Variants in KIFC3 observed in about 807,000 individuals in gnomAD.
The protein encoded by KIFC3 is kinesin family member C3, also known as kinesin-like protein KIFC3.
Under a neutral mutation model 101.8 loss-of-function variants are expected in KIFC3, and 60 were observed. That is an observed-to-expected ratio of 0.59 (90% CI 0.48 to 0.73). The LOEUF is 0.73. KIFC3 is among the 30% of genes least tolerant of loss of function. KIFC3 has a pLI of 0.00. For missense variants in KIFC3, 966 were observed against 1,137.1 expected (o/e 0.85, Z 2.16); for synonymous variants, 476 against 482.7 (o/e 0.99, Z 0.18).
chr16:57,760,278 G>A lies in KIFC3; in HGVS notation c.2367+4C>T, dbSNP rs527789009. 2.3e-5 allele frequency: 37 copies of A among 1,610,208 alleles called. No individual in the cohort carries two copies. The highest frequency in any genetic ancestry group is 3.3e-5 in the Admixed American group (2 of 59,884). On this transcript the variant is annotated splice_donor_region_variant and intron_variant, in intron 17 of 19. Coordinates refer to ENST00000445690, the MANE Select transcript of KIFC3 (RefSeq NM_001130100.2). ...CTGAGCCAGGCCTGTGACAGTCCCC[G>A]TACCTCTAGATGCTCCTGGCTTGAC...
intron 1 of KIFC3, among the ~76,000 whole-genome samples, chr16:57,823,010 G>A (rs1339240121): frequency 1.3e-5 from 2 of 152,156 alleles, no homozygotes; most frequent in African/African-American, 2.4e-5. Context: ...GCATTCTAAC[G>A]TTAACTTGAA....
chr16:57,822,454 C>A (rs1555630049), intron 1 of KIFC3, among the ~76,000 whole-genome samples: 2 of 152,202 alleles, frequency 1.3e-5, no homozygotes, highest in Admixed American at 1.3e-4. Context: ...GTAATCCTAA[C>A]ACTTTGGGAG....
intron 3 of KIFC3, among the ~76,000 whole-genome samples, chr16:57,780,820 G>A (rs768110415): frequency 3.4e-4 from 51 of 151,448 alleles, no homozygotes; most frequent in Non-Finnish European, 4.7e-4. Context: ...ACTTACAGGT[G>A]TGCACCACCA....
At chr16:57,812,827 C>A (rs1222940307) in intron 1 of KIFC3, among the ~76,000 whole-genome samples, 1 of 152,204 alleles carries the variant, frequency 6.6e-6, no homozygotes, top group South Asian at 2.1e-4. Context: ...ACCTGCTGCC[C>A]CTGAGGGGCT....
upstream of KIFC3, chr16:57,803,184 C>A (rs2149244692): frequency 1.3e-6 from 1 of 750,750 alleles, no homozygotes; most frequent in Non-Finnish European, 2.3e-6. Context: ...TAAAACACAC[C>A]AATGGTGCAG....
chr16:57,799,859 T>C (rs1420068408), intron 1 of KIFC3, among the ~76,000 whole-genome samples: 1 of 152,152 alleles, frequency 6.6e-6, no homozygotes, highest in African/African-American at 2.4e-5. Context: ...CAGTGCATCA[T>C]GCCAAAGAGA....
intron 12 of KIFC3, among the ~76,000 whole-genome samples, chr16:57,762,792 C>A (rs1385897273): frequency 6.6e-6 from 1 of 152,164 alleles, no homozygotes; most frequent in Non-Finnish European, 1.5e-5. Context: ...GGGAGCCTGG[C>A]CCTCACCCCT....
intron 1 of KIFC3, chr16:57,816,992 A>C (rs1598200490): frequency 3.1e-6 from 1 of 324,856 alleles, no homozygotes; most frequent in East Asian, 8.5e-5. Flanking sequence ...CTTTTTCTGA[A>C]TTATCACATG....
At chr16:57,802,585 CCGCACTCACG>C (rs1361509636), upstream of KIFC3, 4 of 1,000,198 alleles carry the variant, frequency 4.0e-6, no homozygotes, top group Admixed American at 1.8e-4. This position sits in a 1 kb window ranked among gnomAD's most constrained non-coding sequence, Gnocchi z 5.0. Context: ...CGGCGCGCGC[CCGCACTCACG>C]CGCACTGGCG....
Position 57,765,623 on chromosome 16 carries a change from C to A in KIFC3, c.1348G>T (p.Ala450Ser), listed in dbSNP as rs2050400567. The change falls in exon 11 of 20, where the codon GCT becomes TCT. Residue 450 changes from alanine (A) to serine (S), a missense_variant. Ala to Ser is a moderately conservative substitution (Grantham distance 99). Coordinates refer to ENST00000445690, the MANE Select transcript of KIFC3 (RefSeq NM_001130100.2). Reference protein sequence around the residue: ...VRLKGNIRVIARVRPVTKEDG... With the variant: ...VRLKGNIRVISRVRPVTKEDG... ...TCTTTGGTGACTGGCCGGACACGAG[C>A]AATCACTCGGATGTTCCCTGGATTG... 1 of 1,611,094 alleles carries A rather than the reference C, an allele frequency of 6.2e-7. No individual in the cohort carries two copies. The highest frequency in any genetic ancestry group is 2.2e-5 in the East Asian group (1 of 44,872).
intron 3 of KIFC3, among the ~76,000 whole-genome samples, chr16:57,792,540 A>T (rs2149175575): frequency 6.6e-6 from 1 of 152,330 alleles, no homozygotes; most frequent in Non-Finnish European, 1.5e-5. Flanking sequence ...AACAATACAG[A>T]GGATCTGTTA....
chr16:57,762,376 T>A (rs1468184966), intron 12 of KIFC3, 106 bp from the exon 13 acceptor site: 1 of 1,250,494 alleles, frequency 8.0e-7, no homozygotes, highest in African/African-American at 1.5e-5. Flanking sequence ...GCAAGCCTCC[T>A]TGCCCAAAGC....
chr16:57,795,883 T>G (rs1289438977), intron 2 of KIFC3, among the ~76,000 whole-genome samples: 1 of 36,134 alleles, frequency 2.8e-5, no homozygotes, highest in Non-Finnish European at 8.1e-5. Flanking sequence ...TGGGCTTTTT[T>G]GTTTTTTTTT....
intron 3 of KIFC3, chr16:57,774,796 G>A (rs938548454): frequency 1.8e-5 from 19 of 1,072,788 alleles, no homozygotes; most frequent in Admixed American, 3.8e-5. Context: ...CAAAGTGCTG[G>A]GATTACCGTT....
At chr16:57,792,637 GT>G (rs2149176214) in intron 3 of KIFC3, among the ~76,000 whole-genome samples, 1 of 152,252 alleles carries the variant, frequency 6.6e-6, no homozygotes, top group East Asian at 1.9e-4. Context: ...GCTCACATCT[GT>G]AATCCCAGCA....
chr16:57,817,550 A>G (rs2055256199), intron 1 of KIFC3, among the ~76,000 whole-genome samples: 1 of 151,972 alleles, frequency 6.6e-6, no homozygotes, highest in Non-Finnish European at 1.5e-5. Flanking sequence ...ACCTCGGCTT[A>G]TGGGCATGTC....
chr16:57,775,989 C>A, intron 3 of KIFC3: 1 of 985,488 alleles, frequency 1.0e-6, no homozygotes, highest in South Asian at 4.7e-5. Flanking sequence ...CTTGACACCA[C>A]CTGCATTTAC....
At chr16:57,775,067 G>A in intron 3 of KIFC3, 2 of 1,509,628 alleles carry the variant, frequency 1.3e-6, no homozygotes, top group Non-Finnish European at 8.8e-7. Flanking sequence ...GGGGGTGGGA[G>A]GCGGGATACC....
At chr16:57,843,140 T>A (rs931767999) in intron 1 of KIFC3, among the ~76,000 whole-genome samples, 15 of 152,050 alleles carry the variant, frequency 9.9e-5, no homozygotes, top group East Asian at 7.7e-4. Flanking sequence ...TCTCAAAAAA[T>A]ATATATATAA....
Sources: allele counts gnomAD v4.1 joint callset (sites outside exome capture counted in the v4.1 genomes callset), GRCh38; gene constraint gnomAD v4.1.1; non-coding constraint Gnocchi (gnomAD v3.1); transcripts MANE v1.5; gene names NCBI Gene and HGNC (gene_info 2026-07-23, HGNC 2026-07-21).